Variants in CSF1R observed in about 807,000 individuals in gnomAD.
The protein encoded by CSF1R is colony stimulating factor 1 receptor, also known as macrophage colony-stimulating factor 1 receptor.
Under a neutral mutation model 110.0 loss-of-function variants are expected in CSF1R, and 40 were observed. That is an observed-to-expected ratio of 0.36 (90% CI 0.28 to 0.47). The LOEUF is 0.47. Among genes scored for constraint, CSF1R ranks in the 20% least tolerant of loss-of-function variants. The pLI is 0.99. For missense variants in CSF1R, 1,052 were observed against 1,253.0 expected (o/e 0.84, Z 2.42); for synonymous variants, 523 against 503.4 (o/e 1.04, Z -0.52).
intron 1 of CSF1R, among the ~76,000 whole-genome samples, chr5:150,097,288 AAGG>A (rs1001277671): frequency 7.1e-5 from 8 of 112,534 alleles, no homozygotes; most frequent in African/African-American, 2.2e-4. Context: ...AAGGAAGGAG[AAGG>A]AGAAGGGAAG....
chr5:150,069,276 C>T (rs1757924428), intron 9 of CSF1R, among the ~76,000 whole-genome samples: 1 of 152,166 alleles, frequency 6.6e-6, no homozygotes, highest in Non-Finnish European at 1.5e-5. Context: ...TGCTGTGGGC[C>T]TCTGAGAATC....
chr5:150,099,160 G>A (rs10067574), intron 1 of CSF1R, among the ~76,000 whole-genome samples: 162 of 149,790 alleles, frequency 1.1e-3, no homozygotes, highest in African/African-American at 3.6e-3. Context: ...TGCCCACCTC[G>A]GCCTCCCAAA....
chr5:150,103,702 C>A (rs1459475162), intron 1 of CSF1R, among the ~76,000 whole-genome samples: 1 of 152,132 alleles, frequency 6.6e-6, no homozygotes, highest in South Asian at 2.1e-4. Flanking sequence ...GAGCAGCAAC[C>A]CTTCAGGCAG....
In CSF1R at chr5:150,070,505, G is replaced by A. The variant is rs1439750863; in HGVS notation, c.1149C>T (p.Ala383=). Residue 383 remains alanine (A), a synonymous_variant, in exon 7 of 21, where the codon GCC becomes GCT. Coordinates refer to ENST00000675795, the MANE Select transcript of CSF1R (RefSeq NM_001288705.3). The part of the protein sequence containing the change: ...PSEAGRYSFL[A]RNPGGWRALT... ...GAGCTCTCCAGCCTCCTGGGTTTCTGGCCAGGAAGGAGTAGCGGCCAGCCT... is the reference window on the plus strand; with the variant it reads ...GAGCTCTCCAGCCTCCTGGGTTTCTAGCCAGGAAGGAGTAGCGGCCAGCCT... 58 of 1,557,314 alleles carry A rather than the reference G, an allele frequency of 3.7e-5. No homozygotes were observed. The highest frequency in any genetic ancestry group is 5.0e-5 in the Non-Finnish European group (58 of 1,150,476).
chr5:150,080,791 C>T lies in CSF1R; in HGVS notation c.283G>A (p.Ala95Thr), dbSNP rs1437040009. 1.5e-5 allele frequency: 24 copies of T among 1,613,930 alleles called. No homozygotes were observed. Among genetic ancestry groups the T allele is most frequent in the Admixed American group, 3.3e-5 (2 of 59,988 alleles). Residue 95 changes from alanine to threonine, a missense_variant, in exon 2 of 21, where the codon GCC becomes ACC. By Grantham distance (58) the Ala-to-Thr change is moderately conservative. Transcript: ENST00000675795. The stretch of plus-strand genomic sequence containing the variant: ...CCTTTGACATAGAGGTGGATGGCGG[C>T]GCTGCCTCCCAGGGGGTCTCCAGGC... ...TEPGDPLGGS[A>T]AIHLYVKDPA...
intron 1 of CSF1R, among the ~76,000 whole-genome samples, chr5:150,097,449 AAAG>A (rs984879838): frequency 2.0e-5 from 3 of 152,068 alleles, no homozygotes; most frequent in African/African-American, 7.2e-5. Flanking sequence ...AAGAAAAAAG[AAAG>A]AAAGTGAAAG....
At chr5:150,058,726 C>T (rs1757364420) in intron 14 of CSF1R, among the ~76,000 whole-genome samples, 1 of 151,816 alleles carries the variant, frequency 6.6e-6, no homozygotes, top group African/African-American at 2.4e-5. Context: ...AAGAGATGGC[C>T]TCCTTCTCTT....
intron 6 of CSF1R, among the ~76,000 whole-genome samples, 198 bp from the exon 7 acceptor site, chr5:150,070,769 T>C (rs1005651341): frequency 1.3e-5 from 2 of 152,212 alleles, no homozygotes; most frequent in East Asian, 3.9e-4. Context: ...TTTCCTTAGT[T>C]GGTTTTCTTA....
At chr5:150,054,675 G>C (rs769456834) in intron 19 of CSF1R, 3 of 477,708 alleles carry the variant, frequency 6.3e-6, no homozygotes, top group Non-Finnish European at 1.1e-5. Flanking sequence ...CAGGGTAACT[G>C]TAATAACGAT....
intron 3 of CSF1R, 89 bp from the exon 4 acceptor site, chr5:150,078,337 C>T (rs1391786386): frequency 9.3e-6 from 14 of 1,510,322 alleles, no homozygotes; most frequent in Non-Finnish European, 1.2e-5. Flanking sequence ...CCAGGACACA[C>T]AGGCCAGGGT....
intron 14 of CSF1R, among the ~76,000 whole-genome samples, chr5:150,059,343 C>A (rs1296600229): frequency 6.6e-6 from 1 of 152,242 alleles, no homozygotes; most frequent in Non-Finnish European, 1.5e-5. Flanking sequence ...TGCACCCGGC[C>A]ACATCTGCCC....
At chr5:150,073,866 C>T (rs1034636505) in intron 5 of CSF1R, among the ~76,000 whole-genome samples, 1 of 152,194 alleles carries the variant, frequency 6.6e-6, no homozygotes, top group African/African-American at 2.4e-5. Flanking sequence ...TCATCCATTT[C>T]CCTTTCTTCT....
rs70973563 is a variant in CSF1R at position 150,085,277 on chromosome 5, G to GAAAAAAA, written c.49+1095_49+1101dup. Among the ~76,000 whole-genome samples, 94 of 92,456 alleles carry GAAAAAAA rather than the reference G, an allele frequency of 1.0e-3. 2 individuals carry two copies. In the Middle Eastern group the frequency reaches 0.024, roughly 23 times the overall value. The allele number at this position is 92,456 out of a possible 152,430, so 60.7% of individuals were successfully genotyped here. On this transcript the variant is annotated intron_variant, in intron 1 of 20. Transcript: ENST00000675795. The stretch of plus-strand genomic sequence containing the variant: ...GTGACAGAGAGAGACTCTGTCTCAG[G>GAAAAAAA]AAAAAAAAAAAAAAAACCCAAATAC...
intron 1 of CSF1R, among the ~76,000 whole-genome samples, chr5:150,097,534 C>T (rs1289513184): frequency 6.6e-6 from 1 of 151,690 alleles, no homozygotes; most frequent in Admixed American, 6.6e-5. Context: ...TAGAAAATGC[C>T]AAAGAATCTA....
At chr5:150,082,968 C>T (rs1349871970) in intron 1 of CSF1R, among the ~76,000 whole-genome samples, 4 of 152,152 alleles carry the variant, frequency 2.6e-5, no homozygotes, top group African/African-American at 4.8e-5. Flanking sequence ...CCCATCCCTT[C>T]CCCCAGCCTG....
At chr5:150,099,954 G>T (rs1378423810) in intron 1 of CSF1R, among the ~76,000 whole-genome samples, 1 of 152,096 alleles carries the variant, frequency 6.6e-6, no homozygotes, top group Non-Finnish European at 1.5e-5. Flanking sequence ...AATGAAAAAA[G>T]GGAAGTCTTT....
chr5:150,103,610 A>G (rs1759466009), intron 1 of CSF1R, among the ~76,000 whole-genome samples: 1 of 152,208 alleles, frequency 6.6e-6, no homozygotes, highest in Non-Finnish European at 1.5e-5. Context: ...CATAAGCACA[A>G]TCAGATGGCG....
intron 1 of CSF1R, chr5:150,113,237 C>A (rs932720856): frequency 2.6e-5 from 4 of 154,472 alleles, no homozygotes; most frequent in African/African-American, 9.6e-5. Context: ...CTGGTCGCCA[C>A]CCTATTCCCT....
intron 9 of CSF1R, 63 bp downstream of exon 9, chr5:150,069,810 C>T (rs1310739654): frequency 1.4e-6 from 2 of 1,398,642 alleles, no homozygotes; most frequent in Non-Finnish European, 1.9e-6. Flanking sequence ...GGAGGAGCCG[C>T]CTAAAGGAGC....
Sources: allele counts gnomAD v4.1 joint callset (sites outside exome capture counted in the v4.1 genomes callset), GRCh38; gene constraint gnomAD v4.1.1; transcripts MANE v1.5; gene names NCBI Gene and HGNC (gene_info 2026-07-23, HGNC 2026-07-21).